The following KIF16B variants were observed in gnomAD, a reference collection of about 807,000 sequenced individuals.
KIF16B encodes kinesin family member 16B.
Under a neutral mutation model 156.3 loss-of-function variants are expected in KIF16B, and 98 were observed. The observed-to-expected ratio is 0.63, with a 90% CI of 0.53 to 0.74. KIF16B has a LOEUF of 0.74. Ranked by LOEUF, KIF16B falls within the 30% of genes least tolerant of loss-of-function variation. KIF16B has a pLI of 0.00. For synonymous variants in KIF16B, 564 were observed against 583.7 expected (o/e 0.97, Z 0.49); for missense variants, 1,421 against 1,606.5 (o/e 0.88, Z 1.97).
At chr20:16,308,959 C>A (rs186264661) in intron 25 of KIF16B, among the ~76,000 whole-genome samples, 3 of 152,336 alleles carry the variant, frequency 2.0e-5, no homozygotes, top group East Asian at 1.9e-4. Flanking sequence ...GAAGGAATGT[C>A]TGGAGCCTGG....
chr20:16,323,248 C>T (rs1436190751), intron 24 of KIF16B, among the ~76,000 whole-genome samples: 1 of 151,990 alleles, frequency 6.6e-6, no homozygotes, highest in African/African-American at 2.4e-5. Flanking sequence ...CAACATAGCA[C>T]TCGAATTGGT....
chr20:16,492,606 A>C lies in KIF16B; in HGVS notation c.1302+1685T>G, dbSNP rs1343382851. 2.6e-5 allele frequency among the ~76,000 whole-genome samples: 4 copies of C among 152,284 alleles called. No homozygotes were observed. The East Asian group carries it at 7.7e-4, about 29-fold the overall frequency. The stretch of plus-strand genomic sequence containing the variant: ...CAGGACCCAAAATCACCTTCTGAGA[A>C]AAAGCATAAGAAAAAGTTCAGGCTG... On this transcript the variant is annotated intron_variant, in intron 12 of 25. Coordinates refer to ENST00000354981, the MANE Select transcript of KIF16B (RefSeq NM_024704.5).
chr20:16,434,929 G>T (rs1000019370), intron 12 of KIF16B, among the ~76,000 whole-genome samples: 3 of 152,082 alleles, frequency 2.0e-5, no homozygotes, highest in Non-Finnish European at 4.4e-5. Context: ...TCAGGGCTTA[G>T]AGCACATGCC....
At chr20:16,507,362 C>A (rs1371249426) in intron 7 of KIF16B, among the ~76,000 whole-genome samples, 1 of 152,174 alleles carries the variant, frequency 6.6e-6, no homozygotes, top group Admixed American at 6.5e-5. Context: ...AAGCTCCTAG[C>A]ATATACTTAG....
chr20:16,448,706 C>A (rs376306250), intron 12 of KIF16B, among the ~76,000 whole-genome samples: 1 of 152,274 alleles, frequency 6.6e-6, no homozygotes, highest in African/African-American at 2.4e-5. Context: ...CAATAGCCCA[C>A]GACAAGAGCC....
intron 1 of KIF16B, among the ~76,000 whole-genome samples, chr20:16,558,138 C>T (rs1028645934): frequency 3.9e-5 from 6 of 152,178 alleles, no homozygotes; most frequent in Admixed American, 2.6e-4. Context: ...GTGGGAGATG[C>T]GGACATCTGG....
At chr20:16,573,200 G>GGGGGC in intron 1 of KIF16B, 29 bp downstream of exon 1, 2 of 1,562,804 alleles carry the variant, frequency 1.3e-6, no homozygotes, top group Middle Eastern at 1.7e-4. Flanking sequence ...GGCGCGACGA[G>GGGGGC]GGGGCGGGGC....
chr20:16,450,220 T>C (rs1395840443), intron 12 of KIF16B, among the ~76,000 whole-genome samples: 7 of 152,164 alleles, frequency 4.6e-5, no homozygotes, highest in Non-Finnish European at 5.9e-5. Flanking sequence ...AAAGAAAATA[T>C]ATAGCAAGCT....
Position 16,573,352 on chromosome 20 carries a change from A to T in KIF16B, c.-77T>A. On this transcript the variant is annotated 5_prime_UTR_variant, in exon 1 of 26. Transcript: ENST00000354981. ...GTCGCCGGCGACGCTGGCTACTCAG[A>T]TCGCGGCTCCCGCCCACTTCCCTCT... 6.6e-7 allele frequency: 1 copy of T among 1,506,364 alleles called. No homozygotes were observed. Among genetic ancestry groups the T allele is most frequent in the Non-Finnish European group, 9.1e-7 (1 of 1,099,502 alleles). 93.3% of individuals were successfully genotyped at this position (1,506,364 alleles called of 1,614,324 possible).
intron 22 of KIF16B, among the ~76,000 whole-genome samples, chr20:16,359,654 C>CAA (rs577102110): frequency 6.7e-4 from 53 of 78,660 alleles, no homozygotes; most frequent in South Asian, 2.0e-3. Context: ...AGATTCTTTA[C>CAA]AAAAAAAAAA....
chr20:16,337,741 C>T (rs558021368), intron 23 of KIF16B, among the ~76,000 whole-genome samples: 2 of 152,300 alleles, frequency 1.3e-5, no homozygotes, highest in South Asian at 4.1e-4. Context: ...CCAGCACAAT[C>T]AGTGAGGATG....
chr20:16,301,116 C>T (rs956598034), intron 25 of KIF16B, among the ~76,000 whole-genome samples: 1 of 152,166 alleles, frequency 6.6e-6, no homozygotes, highest in Non-Finnish European at 1.5e-5. Flanking sequence ...TCTTCTTCTA[C>T]TTAGTAATAT....
At chr20:16,320,583 A>G (rs1039031543) in intron 24 of KIF16B, among the ~76,000 whole-genome samples, 13 of 152,216 alleles carry the variant, frequency 8.5e-5, no homozygotes, top group Admixed American at 1.3e-4. Flanking sequence ...AAAATGTGAT[A>G]AAAGAAATGT....
chr20:16,429,039 G>C (rs927191108), intron 13 of KIF16B, 35 bp from the exon 14 acceptor site: 2 of 1,541,076 alleles, frequency 1.3e-6, no homozygotes, highest in East Asian at 2.3e-5. Flanking sequence ...GTATTAGTAA[G>C]AAGAGAAGGA....
At chr20:16,300,661 A>G (rs1339186706) in intron 25 of KIF16B, among the ~76,000 whole-genome samples, 2 of 152,186 alleles carry the variant, frequency 1.3e-5, no homozygotes, top group African/African-American at 4.8e-5. Flanking sequence ...TTGAACATGT[A>G]CCTTTTAAAA....
At chr20:16,524,358 G>A (rs943376742) in intron 3 of KIF16B, among the ~76,000 whole-genome samples, 12 of 152,024 alleles carry the variant, frequency 7.9e-5, no homozygotes, top group African/African-American at 2.9e-4. Flanking sequence ...TCAAAAAGTG[G>A]GCAAAGGATA....
chr20:16,331,535 T>C (rs1014395622), intron 24 of KIF16B, among the ~76,000 whole-genome samples: 17 of 152,230 alleles, frequency 1.1e-4, no homozygotes, highest in Admixed American at 3.9e-4. Context: ...TTTGGAGCCT[T>C]GTATGGCTAG....
chr20:16,533,274 G>T (rs1358955384), intron 1 of KIF16B, among the ~76,000 whole-genome samples: 2 of 152,080 alleles, frequency 1.3e-5, no homozygotes, highest in Non-Finnish European at 2.9e-5. Flanking sequence ...TCCCTGCTCT[G>T]ACTCTTAATA....
At chr20:16,470,235 A>G (rs886628941) in intron 12 of KIF16B, among the ~76,000 whole-genome samples, 1 of 152,208 alleles carries the variant, frequency 6.6e-6, no homozygotes, top group African/African-American at 2.4e-5. Flanking sequence ...CAGTGAAACT[A>G]TTCTTTATGA....
Sources: allele counts gnomAD v4.1 joint callset (sites outside exome capture counted in the v4.1 genomes callset), GRCh38; gene constraint gnomAD v4.1.1; transcripts MANE v1.5; gene names NCBI Gene and HGNC (gene_info 2026-07-23, HGNC 2026-07-21).